Variants in MARCHF4 observed in about 807,000 individuals in gnomAD.
MARCHF4 encodes the protein membrane associated ring-CH-type finger 4.
Under a neutral mutation model 43.9 loss-of-function variants are expected in MARCHF4, and 14 were observed. The observed-to-expected ratio is 0.32, with a 90% CI of 0.21 to 0.50. The LOEUF (loss-of-function observed/expected upper bound fraction) is 0.50. Ranked by LOEUF, MARCHF4 falls within the 20% of genes least tolerant of loss-of-function variation. The pLI is 0.98. For synonymous variants in MARCHF4, 226 were observed against 213.3 expected (o/e 1.06, Z -0.52); for missense variants, 468 against 536.7 (o/e 0.87, Z 1.27).
intron 1 of MARCHF4, among the ~76,000 whole-genome samples, chr2:216,294,407 G>C (rs1691358573): frequency 6.6e-6 from 1 of 152,240 alleles, no homozygotes. Flanking sequence ...AGCAGATGTT[G>C]CAAGTGCAAA....
chr2:216,320,084 T>TA (rs1691855225), intron 1 of MARCHF4, among the ~76,000 whole-genome samples: 1 of 152,070 alleles, frequency 6.6e-6, no homozygotes, highest in Non-Finnish European at 1.5e-5. Flanking sequence ...AAAGGGAAAG[T>TA]AAAAAATCTG....
chr2:216,370,082 G>A lies in MARCHF4; in HGVS notation c.179C>T (p.Ala60Val), dbSNP rs199661444. 1.5e-4 allele frequency: 239 copies of A among 1,579,028 alleles called. No homozygotes were observed. The African/African-American group carries it at 2.9e-3, about 19-fold the overall frequency. Residue 60 changes from alanine (A) to valine (V), a missense_variant, in exon 1 of 4, where the codon GCG (alanine) becomes GTG (valine). Transcript: ENST00000273067. ...GGGGTCGCCGTGCATGGGCAGGGGC[G>A]CTTGAGGAGGGCGCCGCAGTAAGAA... ...KVFLLRRPPQ[A>V]PLPMHGDPQP...
chr2:216,265,528 C>G (rs1690832187), intron 3 of MARCHF4: 2 of 151,910 alleles, frequency 1.3e-5, no homozygotes, highest in East Asian at 3.9e-4. Flanking sequence ...CAGGGTCTCT[C>G]TCTGTTGCCC....
chr2:216,370,091 G>A lies in MARCHF4; in HGVS notation c.170C>T (p.Pro57Leu), dbSNP rs1285188289. 6.3e-7 allele frequency: 1 copy of A among 1,583,242 alleles called. No homozygotes were observed. The highest frequency in any genetic ancestry group is 1.1e-5 in the South Asian group (1 of 87,144). ...GTGCATGGGCAGGGGCGCTTGAGGA[G>A]GGCGCCGCAGTAAGAAAACCTTCAG... ...NDLKVFLLRR[P>L]PQAPLPMHGD... The change falls in exon 1 of 4, where the codon CCT (proline) becomes CTT (leucine). Residue 57 changes from proline to leucine, a missense_variant. By Grantham distance (98) the Pro-to-Leu change is moderately conservative. This residue lies in a region of MARCHF4 where 190 missense variants were observed against 158.5 expected (regional missense o/e 1.20). Transcript: ENST00000273067.
At chr2:216,359,182 T>C (rs1692542202) in intron 1 of MARCHF4, among the ~76,000 whole-genome samples, 1 of 152,166 alleles carries the variant, frequency 6.6e-6, no homozygotes, top group Non-Finnish European at 1.5e-5. Context: ...ATAGGACTCA[T>C]AGTTCTCAGA....
chr2:216,262,685 T>C (rs538223868), intron 3 of MARCHF4, among the ~76,000 whole-genome samples: 11 of 152,180 alleles, frequency 7.2e-5, no homozygotes, highest in African/African-American at 2.7e-4. Flanking sequence ...GAAAAGATCT[T>C]TGGAGCAGGG....
At position 216,259,801 on chromosome 2, in the gene MARCHF4, G is replaced by A. The variant is rs573258841; in HGVS notation, c.866-122C>T. On this transcript the variant is annotated intron_variant, in intron 3 of 3. Coordinates refer to ENST00000273067, the MANE Select transcript of MARCHF4 (RefSeq NM_020814.3). ...CAATGGCTCCAGTGCTGAGCCATGG[G>A]AGGACCATCCCTAGATTCCCAGGCT... The A allele has an allele frequency of 9.2e-6, 9 of 977,678 alleles. No individual in the cohort carries two copies. The African/African-American group carries it at 1.5e-4, about 16-fold the overall frequency. 60.6% of individuals were successfully genotyped at this position (977,678 alleles called of 1,614,324 possible).
chr2:216,284,625 C>T (rs1455171404), intron 1 of MARCHF4, among the ~76,000 whole-genome samples: 2 of 152,020 alleles, frequency 1.3e-5, no homozygotes, highest in African/African-American at 4.8e-5. Flanking sequence ...ACCACCATGC[C>T]CGACTAATTT....
chr2:216,318,765 A>C (rs567988544), intron 1 of MARCHF4, among the ~76,000 whole-genome samples: 9 of 152,136 alleles, frequency 5.9e-5, no homozygotes, highest in Non-Finnish European at 1.5e-5. Context: ...TTGGGTTAAC[A>C]CACAGAAAGC....
intron 1 of MARCHF4, among the ~76,000 whole-genome samples, chr2:216,295,949 C>G (rs752949852): frequency 7.2e-5 from 11 of 152,272 alleles, no homozygotes; most frequent in Non-Finnish European, 1.3e-4. Flanking sequence ...AGTTCGAGAC[C>G]AGCCTGGCCA....
At chr2:216,261,094 G>T (rs1690736867) in intron 3 of MARCHF4, among the ~76,000 whole-genome samples, 1 of 152,200 alleles carries the variant, frequency 6.6e-6, no homozygotes, top group African/African-American at 2.4e-5. Context: ...TTGTGTGGTG[G>T]CTGCGGTGAC....
intron 1 of MARCHF4, among the ~76,000 whole-genome samples, chr2:216,289,302 A>G (rs1216237893): frequency 7.2e-6 from 1 of 139,830 alleles, no homozygotes; most frequent in East Asian, 2.0e-4. Context: ...CCACTTCTCT[A>G]AAAATATATT....
intron 3 of MARCHF4, among the ~76,000 whole-genome samples, chr2:216,261,331 C>T (rs899876487): frequency 1.3e-5 from 2 of 152,112 alleles, no homozygotes; most frequent in Non-Finnish European, 2.9e-5. Flanking sequence ...ATTTCTGCCT[C>T]GTTCTTGCAT....
intron 1 of MARCHF4, among the ~76,000 whole-genome samples, chr2:216,318,309 C>G (rs183025678): frequency 1.0e-3 from 154 of 152,288 alleles, no homozygotes; most frequent in African/African-American, 3.6e-3. Context: ...AACGAACGCC[C>G]CTCCCAGGCC....
chr2:216,364,428 A>G (rs1471734383), intron 1 of MARCHF4, among the ~76,000 whole-genome samples: 4 of 151,840 alleles, frequency 2.6e-5, no homozygotes, highest in Non-Finnish European at 4.4e-5. Flanking sequence ...AGGCAAGAGA[A>G]CCCCTAGCTC....
intron 1 of MARCHF4, among the ~76,000 whole-genome samples, chr2:216,319,448 T>C (rs1691844238): frequency 6.6e-6 from 1 of 152,116 alleles, no homozygotes; most frequent in Non-Finnish European, 1.5e-5. Context: ...ATCAATGAAA[T>C]GAACCTCTTG....
intron 1 of MARCHF4, among the ~76,000 whole-genome samples, chr2:216,357,018 G>C (rs1414907818): frequency 6.7e-6 from 1 of 149,474 alleles, no homozygotes; most frequent in Non-Finnish European, 1.5e-5. Flanking sequence ...GCGAGACTCT[G>C]TCTCAAAAAA....
chr2:216,284,458 G>T (rs1691187046), intron 1 of MARCHF4, among the ~76,000 whole-genome samples: 3 of 152,144 alleles, frequency 2.0e-5, no homozygotes. Flanking sequence ...GCTGAAACCT[G>T]TGTTTTTTGT....
chr2:216,302,897 C>CAAAAAA (rs201503998), intron 1 of MARCHF4, among the ~76,000 whole-genome samples: 3 of 78,342 alleles, frequency 3.8e-5, no homozygotes, highest in South Asian at 4.4e-4. Flanking sequence ...GACTCTGTAT[C>CAAAAAA]AAAAAAAAAA....
Sources: allele counts gnomAD v4.1 joint callset (sites outside exome capture counted in the v4.1 genomes callset), GRCh38; gene constraint gnomAD v4.1.1; regional missense constraint gnomAD v4.1.1; transcripts MANE v1.5; gene names NCBI Gene and HGNC (gene_info 2026-07-23, HGNC 2026-07-21).